The following SCTR variants were observed in gnomAD, a reference collection of about 807,000 sequenced individuals.
SCTR encodes the protein secretin receptor, also known as pancreatic secretin receptor.
Under a neutral mutation model 60.8 loss-of-function variants are expected in SCTR, and 56 were observed. The observed-to-expected ratio is 0.92, with a 90% CI of 0.74 to 1.15. The LOEUF (loss-of-function observed/expected upper bound fraction) is 1.15. Ranked by LOEUF, SCTR falls within the 50% of genes most tolerant of loss-of-function variation. The pLI, the probability that SCTR is intolerant of heterozygous loss-of-function variation, is 0.00. For synonymous variants in SCTR, 202 were observed against 217.0 expected, an observed-to-expected ratio of 0.93 and a Z score of 0.61; for missense variants, 562 against 550.4, an observed-to-expected ratio of 1.02 and a Z score of -0.21.
chr2:119,446,682 C>T (rs1682940872), intron 11 of SCTR, 77 bp downstream of exon 11: 4 of 1,330,182 alleles, frequency 3.0e-6, no homozygotes, highest in African/African-American at 1.5e-5. Context: ...GGCTCGCAGT[C>T]TCTATGCCCT....
At chr2:119,466,500 C>T (rs370123861) in intron 4 of SCTR, among the ~76,000 whole-genome samples, 27 of 152,110 alleles carry the variant, frequency 1.8e-4, no homozygotes, top group African/African-American at 6.5e-4. Context: ...GCCTGTAATC[C>T]CAGCACTTTG....
At chr2:119,522,842 T>C (rs1679329336) in intron 1 of SCTR, among the ~76,000 whole-genome samples, 1 of 152,176 alleles carries the variant, frequency 6.6e-6, no homozygotes, top group Non-Finnish European at 1.5e-5. Flanking sequence ...TTCTCCAAAT[T>C]GGGAGTCAAA....
At chr2:119,512,874 T>G (rs1679001414) in intron 1 of SCTR, among the ~76,000 whole-genome samples, 1 of 152,226 alleles carries the variant, frequency 6.6e-6, no homozygotes, top group Non-Finnish European at 1.5e-5. Context: ...GATTTCCAAA[T>G]ATTAGTTGTA....
chr2:119,461,281 G>C (rs1683592503), intron 7 of SCTR, among the ~76,000 whole-genome samples: 2 of 152,228 alleles, frequency 1.3e-5, no homozygotes, highest in African/African-American at 4.8e-5. Context: ...GGCAGACGAG[G>C]CAACAAGTAT....
At chr2:119,506,558 C>T (rs188077889) in intron 1 of SCTR, among the ~76,000 whole-genome samples, 326 of 151,956 alleles carry the variant, frequency 2.1e-3, no homozygotes, top group Non-Finnish European at 3.2e-3. Flanking sequence ...CATAGTTCAC[C>T]GCAGCCTTGA....
intron 5 of SCTR, among the ~76,000 whole-genome samples, chr2:119,465,323 G>A (rs572417550): frequency 6.6e-6 from 1 of 152,172 alleles, no homozygotes. Context: ...GGCCAACCCA[G>A]AGCAGTGGAA....
chr2:119,491,964 G>A (rs1468719626), intron 2 of SCTR, among the ~76,000 whole-genome samples: 2 of 152,180 alleles, frequency 1.3e-5, no homozygotes, highest in African/African-American at 4.8e-5. Flanking sequence ...AACTCAACCT[G>A]CAACATCCAT....
intron 3 of SCTR, 40 bp from the exon 4 acceptor site, chr2:119,473,596 AG>A: frequency 8.2e-7 from 1 of 1,214,396 alleles, no homozygotes; most frequent in Non-Finnish European, 1.2e-6. Flanking sequence ...CCATGGGCCC[AG>A]GCACTGTGAT....
chr2:119,498,504 T>C (rs1282401690), intron 1 of SCTR, among the ~76,000 whole-genome samples: 10 of 152,132 alleles, frequency 6.6e-5, no homozygotes, highest in Admixed American at 6.5e-4. Context: ...ATTATGTTAA[T>C]GATTGAAGCA....
intron 1 of SCTR, among the ~76,000 whole-genome samples, chr2:119,522,231 G>A (rs1247182131): frequency 1.3e-4 from 20 of 152,142 alleles, no homozygotes; most frequent in Non-Finnish European, 2.4e-4. Flanking sequence ...GGGAGGCGGA[G>A]GTTACAGTAA....
intron 9 of SCTR, 43 bp downstream of exon 9, chr2:119,451,967 T>A: frequency 7.9e-7 from 1 of 1,271,554 alleles, no homozygotes; most frequent in Non-Finnish European, 1.1e-6. Context: ...ACCATTTCCG[T>A]CTCTCCCACT....
intron 8 of SCTR, among the ~76,000 whole-genome samples, chr2:119,452,377 T>C (rs1683207716): frequency 6.6e-6 from 1 of 152,148 alleles, no homozygotes; most frequent in Non-Finnish European, 1.5e-5. Context: ...CAAACTCAGC[T>C]ACCAACAGAA....
chr2:119,500,703 G>C (rs530443277), intron 1 of SCTR, among the ~76,000 whole-genome samples: 1 of 152,318 alleles, frequency 6.6e-6, no homozygotes, highest in South Asian at 2.1e-4. Flanking sequence ...AGACTAGATG[G>C]GTGGTTACCA....
intron 1 of SCTR, among the ~76,000 whole-genome samples, chr2:119,511,913 A>C (rs1678958640): frequency 6.6e-6 from 1 of 152,208 alleles, no homozygotes; most frequent in Non-Finnish European, 1.5e-5. Flanking sequence ...TTTCCTTCCA[A>C]ATTTTGAAGG....
intron 5 of SCTR, among the ~76,000 whole-genome samples, chr2:119,465,491 G>T (rs1324297694): frequency 6.6e-6 from 1 of 152,156 alleles, no homozygotes; most frequent in African/African-American, 2.4e-5. Flanking sequence ...ACAGAATCTC[G>T]CTAGTACTAC....
In SCTR at chr2:119,500,054, T is replaced by C. The variant is rs144622314; in HGVS notation, c.73-5506A>G. On this transcript the variant is annotated intron_variant, in intron 1 of 12. Coordinates refer to ENST00000019103, the MANE Select transcript of SCTR (RefSeq NM_002980.3). ...ATGGGCAAAAGGACTAAATAGACTT[T>C]TCTCAAAAGAAGACATACAAATGGC... Among the ~76,000 whole-genome samples, 537 of 152,248 alleles carry C rather than the reference T, an allele frequency of 3.5e-3. 3 individuals are homozygous for C. Among genetic ancestry groups the C allele is most frequent in the Middle Eastern group, 0.01 (3 of 294 alleles).
chr2:119,469,303 G>C (rs1234741607), intron 4 of SCTR, among the ~76,000 whole-genome samples: 1 of 152,180 alleles, frequency 6.6e-6, no homozygotes, highest in Non-Finnish European at 1.5e-5. Flanking sequence ...AAGAGGCACA[G>C]GGTGACAAGG....
Position 119,524,406 on chromosome 2 carries a change from GGCCGCGCGCGCTAA to G in SCTR, c.-194_-181del. The G allele has an allele frequency of 2.5e-6, 1 of 394,728 alleles. No individual in the cohort carries two copies. Among genetic ancestry groups the G allele is most frequent in the Non-Finnish European group, 4.4e-6 (1 of 226,526 alleles). The allele number at this position is 394,728 out of a possible 1,614,324, so 24.5% of individuals were successfully genotyped here. A position where few individuals can be genotyped will look rare whatever the true frequency, so the allele number is the denominator to read the frequency against. ...GGGACTGCTCCTCCTCGGACCAGGTGGCCGCGCGCGCTAAGCCGCCCGCCCCATTGATCAGGACG... is the reference window on the plus strand; with the variant it reads ...GGGACTGCTCCTCCTCGGACCAGGTGGCCGCCCGCCCCATTGATCAGGACG... On this transcript the variant is annotated 5_prime_UTR_variant, in exon 1 of 13. The change abolishes the stop of an existing upstream ORF in the 5' untranslated region. Transcript: ENST00000019103.
chr2:119,476,633 CT>C (rs1054240471), intron 3 of SCTR: 2 of 152,370 alleles, frequency 1.3e-5, no homozygotes, highest in Admixed American at 6.5e-5. Context: ...CACCTGGTCA[CT>C]TTGTGGCCGT....
Sources: gnomAD v4.1 joint callset for allele counts (sites outside exome capture counted in the v4.1 genomes callset) on GRCh38, gnomAD v4.1.1 for gene constraint, MANE v1.5 for transcripts, NCBI Gene and HGNC (gene_info 2026-07-23, HGNC 2026-07-21) for gene names.